Variants in SLIT2 observed in about 807,000 individuals in gnomAD.
The protein encoded by SLIT2 is slit guidance ligand 2.
A neutral mutation model predicts 185.7 loss-of-function variants in SLIT2; 41 were observed. The ratio of observed to expected loss-of-function variants is 0.22; its 90% CI spans 0.17 to 0.29. The LOEUF (loss-of-function observed/expected upper bound fraction) is 0.29, where lower values mean the gene tolerates loss of function less well. Among genes scored for constraint, SLIT2 ranks in the 10% least tolerant of loss-of-function variants. The probability of loss-of-function intolerance (pLI) is 1.00; values close to 1 mark genes in which losing one functional copy is unlikely to be tolerated. For synonymous variants in SLIT2, 693 were observed against 680.2 expected, an observed-to-expected ratio of 1.02 and a Z score of -0.29; for missense variants, 1,571 against 1,909.0, an observed-to-expected ratio of 0.82 and a Z score of 3.30.
At chr4:20,336,163 C>T (rs758379034) in intron 4 of SLIT2, among the ~76,000 whole-genome samples, 9 of 152,112 alleles carry the variant, frequency 5.9e-5, no homozygotes, top group Non-Finnish European at 2.9e-5. Flanking sequence ...CTTTGTGTTG[C>T]GTTTCTAGCC....
chr4:20,366,540 G>A lies in SLIT2; in HGVS notation c.395+97659G>A, dbSNP rs570683393. On this transcript the variant is annotated intron_variant, in intron 4 of 36. Transcript: ENST00000504154. ...TGATAATCTCACCCAAACCATATGT[G>A]TTGTTGGGAGAAAATTCTGGGAATG... is the stretch of plus-strand genomic sequence containing the variant. Among the ~76,000 whole-genome samples, 50 of 152,132 alleles carry A rather than the reference G, an allele frequency of 3.3e-4. 1 individual carries two copies. In the South Asian group the frequency reaches 9.1e-3, roughly 28 times the overall value.
intron 4 of SLIT2, among the ~76,000 whole-genome samples, chr4:20,321,986 T>A (rs967202695): frequency 6.7e-6 from 1 of 149,860 alleles, no homozygotes; most frequent in African/African-American, 2.5e-5. Flanking sequence ...TCTGGAGGGG[T>A]GGGGTCCTCC....
intron 33 of SLIT2, among the ~76,000 whole-genome samples, chr4:20,605,695 G>T (rs1255385689): frequency 7.3e-6 from 1 of 136,506 alleles, no homozygotes; most frequent in Non-Finnish European, 1.6e-5. Context: ...GTCGATCACT[G>T]CTTTTATTTT....
chr4:20,594,241 A>ATG (rs1257275986), intron 30 of SLIT2, among the ~76,000 whole-genome samples: 1 of 147,886 alleles, frequency 6.8e-6, no homozygotes, highest in Non-Finnish European at 1.5e-5. Flanking sequence ...ACATGTGTAT[A>ATG]TACATATACA....
intron 5 of SLIT2, among the ~76,000 whole-genome samples, chr4:20,474,929 C>G (rs983179495): frequency 1.6e-4 from 24 of 151,750 alleles, no homozygotes; most frequent in Admixed American, 2.6e-4. Flanking sequence ...GTTGCCAGTT[C>G]TATAGTGTCT....
intron 21 of SLIT2, among the ~76,000 whole-genome samples, chr4:20,543,641 G>A (rs983954778): frequency 1.3e-5 from 2 of 152,190 alleles, no homozygotes; most frequent in Admixed American, 6.5e-5. Flanking sequence ...TAGGTAATGA[G>A]GTTCAAGGGC....
intron 4 of SLIT2, among the ~76,000 whole-genome samples, chr4:20,406,927 T>C (rs1023957904): frequency 1.4e-4 from 5 of 34,704 alleles, no homozygotes; most frequent in Non-Finnish European, 2.1e-4. Flanking sequence ...AACAATGAAA[T>C]ACAAAAAAAT....
intron 4 of SLIT2, among the ~76,000 whole-genome samples, chr4:20,302,319 A>G (rs1353063586): frequency 6.6e-6 from 1 of 152,230 alleles, no homozygotes; most frequent in Non-Finnish European, 1.5e-5. Context: ...GTGTTCATGA[A>G]AATAAAGCCA....
chr4:20,599,896 G>T (rs1424328085), intron 33 of SLIT2, among the ~76,000 whole-genome samples: 1 of 152,172 alleles, frequency 6.6e-6, no homozygotes, highest in East Asian at 1.9e-4. Flanking sequence ...CTTATTTGAT[G>T]CTTCATAATA....
intron 4 of SLIT2, among the ~76,000 whole-genome samples, chr4:20,284,531 C>A (rs555524621): frequency 6.6e-6 from 1 of 152,104 alleles, no homozygotes; most frequent in Non-Finnish European, 1.5e-5. Flanking sequence ...GGTAAATAAG[C>A]GAAAGACAGC....
At chr4:20,412,332 G>C (rs1007783619) in intron 4 of SLIT2, among the ~76,000 whole-genome samples, 1 of 152,000 alleles carries the variant, frequency 6.6e-6, no homozygotes, top group African/African-American at 2.4e-5. Flanking sequence ...TGCAATATTT[G>C]CTATATGATT....
Position 20,573,773 on chromosome 4 carries a change from T to C in SLIT2, c.3088+4769T>C, listed in dbSNP as rs192647131. On this transcript the variant is annotated intron_variant, in intron 29 of 36. Transcript: ENST00000504154. ...TTATTGAAACACTTTATGAAATAAA[T>C]ATTATAAAGCCCAAGAAGTTGACTT... Among the ~76,000 whole-genome samples the C allele has an allele frequency of 1.8e-4, 27 of 152,092 alleles. 1 individual carries two copies. Among genetic ancestry groups the C allele is most frequent in the African/African-American group, 6.0e-4 (25 of 41,516 alleles).
chr4:20,374,453 T>C (rs1019327107), intron 4 of SLIT2, among the ~76,000 whole-genome samples: 2 of 152,112 alleles, frequency 1.3e-5, no homozygotes, highest in Non-Finnish European at 2.9e-5. Context: ...GTCATTTCTG[T>C]TCTTTGGCAT....
intron 4 of SLIT2, among the ~76,000 whole-genome samples, chr4:20,318,096 C>T (rs1345208979): frequency 6.6e-6 from 1 of 152,060 alleles, no homozygotes; most frequent in African/African-American, 2.4e-5. Flanking sequence ...AGAATTTTTT[C>T]TTTTGTCCAT....
At chr4:20,401,042 A>G (rs144419727) in intron 4 of SLIT2, among the ~76,000 whole-genome samples, 2 of 151,878 alleles carry the variant, frequency 1.3e-5, no homozygotes, top group African/African-American at 4.8e-5. Context: ...GTTTAGGTTA[A>G]TGGTAGAGAT....
chr4:20,370,940 G>A (rs1030949607), intron 4 of SLIT2, among the ~76,000 whole-genome samples: 3 of 152,074 alleles, frequency 2.0e-5, no homozygotes, highest in African/African-American at 7.2e-5. Flanking sequence ...AAATCACTAG[G>A]CATCGTTGTG....
At chr4:20,344,450 C>G (rs947469495) in intron 4 of SLIT2, among the ~76,000 whole-genome samples, 1 of 152,260 alleles carries the variant, frequency 6.6e-6, no homozygotes. Flanking sequence ...CTTTCATTCT[C>G]TCTGTCTTTC....
chr4:20,404,113 T>A (rs2109406911), intron 4 of SLIT2, among the ~76,000 whole-genome samples: 1 of 152,122 alleles, frequency 6.6e-6, no homozygotes, highest in South Asian at 2.1e-4. Flanking sequence ...AGTGTGTGCA[T>A]TCTTAGTCAA....
At chr4:20,587,931 C>T (rs1320796051) in intron 29 of SLIT2, among the ~76,000 whole-genome samples, 3 of 152,188 alleles carry the variant, frequency 2.0e-5, no homozygotes, top group African/African-American at 7.2e-5. Context: ...TTATGTATCT[C>T]AAATGGTCCT....
Sources: gnomAD v4.1 joint callset for allele counts (sites outside exome capture counted in the v4.1 genomes callset) on GRCh38, gnomAD v4.1.1 for gene constraint, MANE v1.5 for transcripts, NCBI Gene and HGNC (gene_info 2026-07-23, HGNC 2026-07-21) for gene names.